SDCCAG8: variants seen among roughly 807,000 people sequenced by gnomAD.
The protein encoded by SDCCAG8 is SHH signaling and ciliogenesis regulator SDCCAG8.
Under a neutral mutation model 101.8 loss-of-function variants are expected in SDCCAG8, and 74 were observed. That is an observed-to-expected ratio of 0.73 (90% CI 0.60 to 0.88). The LOEUF is 0.88. Ranked by LOEUF, SDCCAG8 falls within the 40% of genes least tolerant of loss-of-function variation. SDCCAG8 has a pLI of 0.00. For missense variants in SDCCAG8, 787 were observed against 822.6 expected, an observed-to-expected ratio of 0.96 and a Z score of 0.53; for synonymous variants, 281 against 292.9, an observed-to-expected ratio of 0.96 and a Z score of 0.41.
intron 10 of SDCCAG8, among the ~76,000 whole-genome samples, chr1:243,331,076 A>T (rs1473294514): frequency 6.6e-6 from 1 of 152,180 alleles, no homozygotes; most frequent in African/African-American, 2.4e-5. Context: ...TCCTACCCCT[A>T]AATTAAATAT....
chr1:243,259,011 C>T (rs2066981898), intron 1 of SDCCAG8, among the ~76,000 whole-genome samples: 1 of 152,338 alleles, frequency 6.6e-6, no homozygotes, highest in Non-Finnish European at 1.5e-5. Context: ...GTAGTCACTA[C>T]TAATATCCCT....
intron 9 of SDCCAG8, among the ~76,000 whole-genome samples, chr1:243,329,878 A>G (rs1424542765): frequency 2.0e-5 from 3 of 152,202 alleles, no homozygotes; most frequent in African/African-American, 7.2e-5. Context: ...GTAAAGGACA[A>G]TCATGAACTT....
At chr1:243,299,371 T>G (rs1205738131) in intron 6 of SDCCAG8, among the ~76,000 whole-genome samples, 2 of 152,194 alleles carry the variant, frequency 1.3e-5, no homozygotes, top group South Asian at 2.1e-4. Flanking sequence ...AGCATATAGT[T>G]GGGTTTTGCT....
At chr1:243,388,417 G>A (rs2078453405) in intron 13 of SDCCAG8, among the ~76,000 whole-genome samples, 1 of 152,164 alleles carries the variant, frequency 6.6e-6, no homozygotes, top group Non-Finnish European at 1.5e-5. Flanking sequence ...TTTGGGTGCT[G>A]TGGCTGGTAG....
intron 13 of SDCCAG8, among the ~76,000 whole-genome samples, chr1:243,381,935 A>G (rs2077983001): frequency 6.6e-6 from 1 of 152,228 alleles, no homozygotes; most frequent in South Asian, 2.1e-4. Flanking sequence ...GAAAGCTGAC[A>G]GTGAAAAGGG....
At chr1:243,343,204 A>G (rs975050985) in intron 11 of SDCCAG8, among the ~76,000 whole-genome samples, 5 of 152,224 alleles carry the variant, frequency 3.3e-5, no homozygotes, top group Non-Finnish European at 5.9e-5. Flanking sequence ...AGTTTCCAAA[A>G]TCATTATTTT....
chr1:243,419,510 T>A (rs1213133089), intron 15 of SDCCAG8, among the ~76,000 whole-genome samples: 1 of 152,198 alleles, frequency 6.6e-6, no homozygotes, highest in East Asian at 1.9e-4. Flanking sequence ...ATTAGTGATC[T>A]TGCTCTCCAA....
chr1:243,454,944 C>T (rs181046825), intron 16 of SDCCAG8, among the ~76,000 whole-genome samples: 1 of 152,186 alleles, frequency 6.6e-6, no homozygotes, highest in East Asian at 1.9e-4. Flanking sequence ...TGGAAATAAA[C>T]TGCTTGACAA....
At chr1:243,454,927 G>A (rs1041416239) in intron 16 of SDCCAG8, among the ~76,000 whole-genome samples, 1 of 152,112 alleles carries the variant, frequency 6.6e-6, no homozygotes, top group Non-Finnish European at 1.5e-5. Flanking sequence ...AAGCTTCCCA[G>A]ATACGGTGGA....
At chr1:243,259,549 G>C (rs1394921548) in intron 1 of SDCCAG8, among the ~76,000 whole-genome samples, 1 of 152,102 alleles carries the variant, frequency 6.6e-6, no homozygotes, top group East Asian at 1.9e-4. Context: ...GTTGGGCGCG[G>C]TGGCTCACGC....
chr1:243,304,929 G>GATT, intron 7 of SDCCAG8, 152 bp downstream of exon 7: 1 of 612,964 alleles, frequency 1.6e-6, no homozygotes, highest in Admixed American at 3.1e-5. Context: ...ATTATTAAAG[G>GATT]ATGAAAGGCC....
At chr1:243,336,409 T>C (rs1039382238) in intron 10 of SDCCAG8, among the ~76,000 whole-genome samples, 3 of 152,176 alleles carry the variant, frequency 2.0e-5, no homozygotes, top group Non-Finnish European at 4.4e-5. Flanking sequence ...TATAAAGAAA[T>C]ACCTGAAACT....
At chr1:243,391,581 G>A (rs1227528956) in intron 13 of SDCCAG8, among the ~76,000 whole-genome samples, 2 of 152,192 alleles carry the variant, frequency 1.3e-5, no homozygotes, top group Non-Finnish European at 2.9e-5. Flanking sequence ...GCCATGGAGG[G>A]TAGAGAGAGA....
chr1:243,469,146 T>A (rs1433806035), intron 16 of SDCCAG8, among the ~76,000 whole-genome samples: 1 of 152,256 alleles, frequency 6.6e-6, no homozygotes, highest in Non-Finnish European at 1.5e-5. Flanking sequence ...TCAATGATGA[T>A]AACCTTGAGA....
At chr1:243,480,195 G>C (rs898676213) in intron 16 of SDCCAG8, among the ~76,000 whole-genome samples, 1 of 150,594 alleles carries the variant, frequency 6.6e-6, no homozygotes, top group Non-Finnish European at 1.5e-5. Context: ...CCAGGGGGCC[G>C]TGTGGAAGCA....
At chr1:243,489,242 G>T in intron 17 of SDCCAG8, 102 bp downstream of exon 17, 1 of 1,459,568 alleles carries the variant, frequency 6.9e-7, no homozygotes, top group South Asian at 1.3e-5. Context: ...GATCACATCG[G>T]TTAGCAGTAA....
intron 12 of SDCCAG8, among the ~76,000 whole-genome samples, chr1:243,363,053 G>A (rs925261824): frequency 1.3e-5 from 2 of 152,210 alleles, no homozygotes; most frequent in African/African-American, 2.4e-5. Flanking sequence ...TTCCTCTGAG[G>A]TTTGTGTCAC....
intron 17 of SDCCAG8, 68 bp from the exon 18 acceptor site, chr1:243,499,688 C>A: frequency 2.4e-6 from 3 of 1,270,304 alleles, no homozygotes; most frequent in Non-Finnish European, 3.5e-6. Context: ...ACTAAACCAG[C>A]AAATGAGAAG....
intron 12 of SDCCAG8, among the ~76,000 whole-genome samples, chr1:243,344,764 T>C (rs1377538327): frequency 2.0e-5 from 3 of 152,188 alleles, no homozygotes. Flanking sequence ...GTTGGCAGAG[T>C]GAAACCAGTT....
Sources: gnomAD v4.1 joint callset for allele counts (sites outside exome capture counted in the v4.1 genomes callset) on GRCh38, gnomAD v4.1.1 for gene constraint, MANE v1.5 for transcripts, NCBI Gene and HGNC (gene_info 2026-07-23, HGNC 2026-07-21) for gene names.